The following CDHR3 variants were observed in gnomAD, a reference collection of about 807,000 sequenced individuals.
CDHR3 encodes the protein cadherin related family member 3.
A neutral mutation model predicts 86.6 loss-of-function variants in CDHR3; 79 were observed. The ratio of observed to expected loss-of-function variants is 0.91; its 90% CI spans 0.76 to 1.10. The LOEUF (loss-of-function observed/expected upper bound fraction) is 1.10. Among genes scored for constraint, CDHR3 ranks in the 50% least tolerant of loss-of-function variants. CDHR3 has a pLI of 0.00. For missense variants in CDHR3, 1,081 were observed against 1,077.6 expected (o/e 1.00, Z -0.04); for synonymous variants, 421 against 402.4 (o/e 1.05, Z -0.55).
Position 106,032,649 on chromosome 7 carries a change from TCCAGCCTTCATGAACA to T in CDHR3, c.2611_2626del (p.Pro871GlyfsTer38). 3.1e-6 allele frequency: 5 copies of T among 1,613,684 alleles called. No homozygotes were observed. The highest frequency in any genetic ancestry group is 4.2e-6 in the Non-Finnish European group (5 of 1,179,794). ...AGCTGGGCAACCCAAAGAACAGAAATCCAGCCTTCATGAACAGGGCTTACCCCAAACCACACCCAGG... is the reference window on the plus strand; with the variant it reads ...AGCTGGGCAACCCAAAGAACAGAAATGGGCTTACCCCAAACCACACCCAGG... On this transcript the variant is annotated frameshift_variant, in exon 19 of 19. Coordinates refer to ENST00000317716, the MANE Select transcript of CDHR3 (RefSeq NM_152750.5). LOFTEE classifies it high-confidence loss of function.
intron 15 of CDHR3, 107 bp downstream of exon 15, chr7:106,024,669 G>T: frequency 8.2e-7 from 1 of 1,219,908 alleles, no homozygotes; most frequent in Non-Finnish European, 1.1e-6. Flanking sequence ...CTACAAGGCA[G>T]GTTGCCTGGA....
intron 13 of CDHR3, among the ~76,000 whole-genome samples, chr7:106,021,160 A>G (rs1407963865): frequency 6.6e-6 from 1 of 152,044 alleles, no homozygotes; most frequent in Non-Finnish European, 1.5e-5. Context: ...AAAATATACC[A>G]TCGTAGGGAA....
intron 16 of CDHR3, among the ~76,000 whole-genome samples, chr7:106,027,134 C>G (rs145656389): frequency 2.6e-5 from 4 of 152,144 alleles, no homozygotes; most frequent in Non-Finnish European, 4.4e-5. Context: ...CAGTGACTCA[C>G]GCCTGTAATC....
chr7:105,984,590 G>A (rs1830255692), intron 4 of CDHR3, among the ~76,000 whole-genome samples: 2 of 152,190 alleles, frequency 1.3e-5, no homozygotes, highest in Admixed American at 1.3e-4. Flanking sequence ...GAAGCTGTGA[G>A]TATTACATAG....
At chr7:106,001,986 T>C (rs1404278186) in intron 7 of CDHR3, among the ~76,000 whole-genome samples, 1 of 152,234 alleles carries the variant, frequency 6.6e-6, no homozygotes, top group East Asian at 1.9e-4. Flanking sequence ...GCAGAACCCA[T>C]GGATACAAAG....
At chr7:106,016,520 C>T (rs1835647871) in intron 11 of CDHR3, among the ~76,000 whole-genome samples, 1 of 152,146 alleles carries the variant, frequency 6.6e-6, no homozygotes, top group Admixed American at 6.5e-5. Flanking sequence ...AGGCTCCTCC[C>T]CCTTTAAGGA....
chr7:105,977,949 C>T (rs1477734372), intron 2 of CDHR3, among the ~76,000 whole-genome samples: 1 of 152,156 alleles, frequency 6.6e-6, no homozygotes, highest in African/African-American at 2.4e-5. Context: ...GGGCATTTAC[C>T]ATATGCCAGG....
chr7:106,024,403 T>A lies in CDHR3; in HGVS notation c.2099T>A (p.Leu700Gln), dbSNP rs760179565. The part of the protein sequence containing the change: ...TPRPRVTYQV[L>Q]RKNVYSPSAW... ...AAGCCCAGGGTCACCTATCAGGTCC[T>A]GAGGAAAAACGTTTACTCTCCATCT... The change falls in exon 15 of 19, where the codon CTG (leucine) becomes CAG (glutamine). Residue 700 changes from leucine (L) to glutamine (Q), a missense_variant. Leu to Gln is a moderately radical substitution (Grantham distance 113). Coordinates refer to ENST00000317716, the MANE Select transcript of CDHR3 (RefSeq NM_152750.5). 2.5e-6 allele frequency: 4 copies of A among 1,614,014 alleles called. No individual in the cohort carries two copies. Among genetic ancestry groups the A allele is most frequent in the Non-Finnish European group, 3.4e-6 (4 of 1,179,884 alleles).
rs142457823 is a variant in CDHR3 at position 105,994,966 on chromosome 7, G to A, written c.608+121G>A. Reference sequence around the variant, plus strand: ...GGGAGCCCCTTGAGCAGTCTACAGCGTCATTGTAAGTTCAGATGGTAGTGA... The same window carrying A: ...GGGAGCCCCTTGAGCAGTCTACAGCATCATTGTAAGTTCAGATGGTAGTGA... On this transcript the variant is annotated intron_variant, in intron 5 of 18. Transcript: ENST00000317716. The A allele has an allele frequency of 8.3e-4, 602 of 728,146 alleles. 1 individual carries two copies. Among genetic ancestry groups the A allele is most frequent in the Non-Finnish European group, 9.0e-4 (378 of 420,542 alleles). The allele number at this position is 728,146 out of a possible 1,614,324, so 45.1% of individuals were successfully genotyped here. A position where few individuals can be genotyped will look rare whatever the true frequency, so the allele number is the denominator to read the frequency against.
chr7:106,032,278 T>C, intron 18 of CDHR3, 115 bp from the exon 19 acceptor site: 1 of 998,542 alleles, frequency 1.0e-6, no homozygotes, highest in South Asian at 1.7e-5. Context: ...GATTCACACC[T>C]TCTAGTGTGC....
chr7:105,980,538 G>A (rs957980549), intron 2 of CDHR3, among the ~76,000 whole-genome samples: 3 of 147,492 alleles, frequency 2.0e-5, no homozygotes, highest in Non-Finnish European at 4.4e-5. Context: ...ACTATATTCA[G>A]GGTAGTTAAA....
At chr7:106,007,361 A>G (rs1834085243) in intron 8 of CDHR3, among the ~76,000 whole-genome samples, 1 of 152,204 alleles carries the variant, frequency 6.6e-6, no homozygotes, top group South Asian at 2.1e-4. Flanking sequence ...TCCTCAGAAA[A>G]TGGGATTTTC....
intron 6 of CDHR3, among the ~76,000 whole-genome samples, chr7:105,999,526 T>G (rs1832794450): frequency 6.6e-6 from 1 of 152,120 alleles, no homozygotes. Flanking sequence ...CCCCTAAACA[T>G]CAATAGTAGC....
At chr7:105,987,016 T>A (rs1310496395) in intron 4 of CDHR3, among the ~76,000 whole-genome samples, 4 of 152,234 alleles carry the variant, frequency 2.6e-5, no homozygotes, top group Non-Finnish European at 4.4e-5. Context: ...AGAATTTCAG[T>A]TGTGAAGACA....
chr7:105,973,693 A>G (rs1828327233), intron 1 of CDHR3, among the ~76,000 whole-genome samples: 1 of 152,196 alleles, frequency 6.6e-6, no homozygotes, highest in South Asian at 2.1e-4. Context: ...TTGGCTGGGC[A>G]TGGTGGCTCA....
rs1193308592 is a variant in CDHR3 at position 106,001,485 on chromosome 7, TGGA to T, written c.741_743del (p.Glu248del). 1 of 1,614,064 alleles carries T rather than the reference TGGA, an allele frequency of 6.2e-7. No homozygotes were observed. Among genetic ancestry groups the T allele is most frequent in the Non-Finnish European group, 8.5e-7 (1 of 1,179,910 alleles). On this transcript the variant is annotated inframe_deletion, in exon 7 of 19. Coordinates refer to ENST00000317716, the MANE Select transcript of CDHR3 (RefSeq NM_152750.5). ...AGCCCGACACGAGTGTACACAGTCC[TGGA>T]GGAACTGAGTCCAGGAACCATCGTG... is the stretch of plus-strand genomic sequence containing the variant.
chr7:106,020,664 T>C, intron 13 of CDHR3, 120 bp downstream of exon 13: 2 of 1,143,016 alleles, frequency 1.7e-6, no homozygotes, highest in Non-Finnish European at 1.2e-6. Flanking sequence ...GGGAGGGCAT[T>C]ATTTTTTTGA....
intron 1 of CDHR3, among the ~76,000 whole-genome samples, chr7:105,966,244 T>C (rs1826907447): frequency 6.6e-6 from 1 of 152,218 alleles, no homozygotes; most frequent in African/African-American, 2.4e-5. Context: ...TGTCTATGTT[T>C]TGAAGAAGCA....
rs942950926 is a variant in CDHR3 at position 106,032,202 on chromosome 7, G to A, written c.2354-191G>A. On this transcript the variant is annotated intron_variant, in intron 18 of 18. Transcript: ENST00000317716. ...GCTACCTGTGTGGTCCGAGCAGCAC[G>A]GCTTGTGGCAAGGGCAGGCTGGTGG... Among the ~76,000 whole-genome samples, 6 of 152,274 alleles carry A rather than the reference G, an allele frequency of 3.9e-5. No individual in the cohort carries two copies. In the South Asian group the frequency reaches 1.0e-3, roughly 26 times the overall value.
Sources: gnomAD v4.1 joint callset for allele counts (sites outside exome capture counted in the v4.1 genomes callset) on GRCh38, gnomAD v4.1.1 for gene constraint, MANE v1.5 for transcripts, NCBI Gene and HGNC (gene_info 2026-07-23, HGNC 2026-07-21) for gene names.